MED28: variants seen among roughly 807,000 people sequenced by gnomAD.
MED28 encodes mediator of RNA polymerase II transcription subunit 28.
MED28 carries 26 observed loss-of-function variants against 21.3 expected under a neutral mutation model. The ratio of observed to expected loss-of-function variants is 1.22; its 90% confidence interval spans 0.89 to 1.69. The LOEUF (loss-of-function observed/expected upper bound fraction) is 1.69, where lower values mean the gene tolerates loss of function less well. MED28 is among the 40% of genes most tolerant of loss of function. MED28 has a pLI of 0.00. For missense variants in MED28, 257 were observed against 215.4 expected (o/e 1.19, Z -1.21); for synonymous variants, 110 against 87.6 (o/e 1.26, Z -1.43).
At chr4:17,618,017 T>C (rs1438486293) in intron 1 of MED28, among the ~76,000 whole-genome samples, 2 of 134,728 alleles carry the variant, frequency 1.5e-5, no homozygotes, top group African/African-American at 6.8e-5. Flanking sequence ...TCTTTTCTTT[T>C]TTTTTTTTTT....
intron 3 of MED28, among the ~76,000 whole-genome samples, chr4:17,623,393 C>A (rs1358779624): frequency 1.0e-5 from 1 of 98,120 alleles, no homozygotes; most frequent in Non-Finnish European, 1.9e-5. Flanking sequence ...AGCAAGACTT[C>A]GTCTCAAAAA....
In MED28 at chr4:17,616,883, T is replaced by G. The variant is rs114269686; in HGVS notation, c.159+2070T>G. On this transcript the variant is annotated intron_variant, in intron 1 of 3. Coordinates refer to ENST00000237380, the MANE Select transcript of MED28 (RefSeq NM_025205.5). ...TGGCTTGTGCACAGAACTCCTTGCC[T>G]GATTCACATATATGTCTGTAGGTGC... Among the ~76,000 whole-genome samples, 1,337 of 152,302 alleles carry G rather than the reference T, an allele frequency of 8.8e-3. 22 individuals are homozygous for G. Among genetic ancestry groups the G allele is most frequent in the African/African-American group, 0.031 (1,290 of 41,566 alleles).
At position 17,620,480 on chromosome 4, in the gene MED28, T is replaced by C. The variant is rs111596831; in HGVS notation, c.226+513T>C. On this transcript the variant is annotated intron_variant, in intron 2 of 3. Coordinates refer to ENST00000237380, the MANE Select transcript of MED28 (RefSeq NM_025205.5). ...TCCCGCGTAGATGGAACTACAGGCA[T>C]GCACTACCATACTCAGCTAATTTTA... Among the ~76,000 whole-genome samples the C allele has an allele frequency of 3.2e-4, 49 of 152,040 alleles. 1 individual carries two copies. The highest frequency in any genetic ancestry group is 1.1e-3 in the African/African-American group (46 of 41,516).
rs199549580 is a variant in MED28, at chr4:17,632,043, A to ATTTTTTTTTTTTTTTTTTTTTTTTTT, written c.*8264_*8289dup. 4.3e-5 allele frequency: 5 copies of ATTTTTTTTTTTTTTTTTTTTTTTTTT among 117,620 alleles called. No individual in the cohort carries two copies. The highest frequency in any genetic ancestry group is 7.1e-5 in the Non-Finnish European group (4 of 56,564). The allele number at this position is 117,620 out of a possible 1,614,324, so 7.3% of individuals were successfully genotyped here. A position where few individuals can be genotyped will look rare whatever the true frequency, so the allele number is the denominator to read the frequency against. On this transcript the variant is annotated 3_prime_UTR_variant, in exon 4 of 4. Transcript: ENST00000237380. Reference sequence around the variant, plus strand: ...TTTTAATAACACTGGTTTAATGTCAATTTTTTTTTTTTTTTTTTTTTTTTT... The same window carrying ATTTTTTTTTTTTTTTTTTTTTTTTTT: ...TTTTAATAACACTGGTTTAATGTCAATTTTTTTTTTTTTTTTTTTTTTTTTTTTTTTTTTTTTTTTTTTTTTTTTTT...
In MED28 at chr4:17,629,443, G is replaced by C. The variant is rs1318210158; in HGVS notation, c.*5645G>C. ...AAATGTTGGGTTGGATATTACATCA[G>C]TGTTAGAGCAGTTAAGGGCTCAGGT... On this transcript the variant is annotated 3_prime_UTR_variant, in exon 4 of 4. Coordinates refer to ENST00000237380, the MANE Select transcript of MED28 (RefSeq NM_025205.5). 3 of 152,224 alleles carry C rather than the reference G, an allele frequency of 2.0e-5. No homozygotes were observed. The highest frequency in any genetic ancestry group is 4.4e-5 in the Non-Finnish European group (3 of 68,050). 9.4% of individuals were successfully genotyped at this position (152,224 alleles called of 1,614,324 possible).
Position 17,628,716 on chromosome 4 carries a change from A to G in MED28, c.*4918A>G, listed in dbSNP as rs1428842663. The G allele has an allele frequency of 6.6e-6, 1 of 152,250 alleles. No individual in the cohort carries two copies. Among genetic ancestry groups the G allele is most frequent in the Non-Finnish European group, 1.5e-5 (1 of 68,102 alleles). The allele number at this position is 152,250 out of a possible 1,614,324, so 9.4% of individuals were successfully genotyped here. On this transcript the variant is annotated 3_prime_UTR_variant, in exon 4 of 4. Coordinates refer to ENST00000237380, the MANE Select transcript of MED28 (RefSeq NM_025205.5). ...GACTGGATGTGGTCTGAGAGCAGGCAGTAGGATGAGGCTTGGGGACTGGCT... is the reference window on the plus strand; with the variant it reads ...GACTGGATGTGGTCTGAGAGCAGGCGGTAGGATGAGGCTTGGGGACTGGCT...
intron 1 of MED28, among the ~76,000 whole-genome samples, chr4:17,617,144 G>A (rs192953544): frequency 1.3e-5 from 2 of 152,346 alleles, no homozygotes; most frequent in African/African-American, 4.8e-5. Context: ...CAGGTGAAGG[G>A]GAGTGGGAGT....
chr4:17,617,470 C>T (rs563163345), intron 1 of MED28, among the ~76,000 whole-genome samples: 8 of 152,316 alleles, frequency 5.3e-5, no homozygotes, highest in Admixed American at 1.3e-4. Context: ...CATCTAGTTC[C>T]ATTTCCTCCA....
rs1406748776 is a variant in MED28 at position 17,623,747 on chromosome 4, C to T, written c.486C>T (p.Ala162=). 8.1e-6 allele frequency: 13 copies of T among 1,614,202 alleles called. No individual in the cohort carries two copies. The highest frequency in any genetic ancestry group is 1.1e-5 in the Non-Finnish European group (13 of 1,180,022). Residue 162 remains alanine (A), a synonymous_variant, in exon 4 of 4, where the codon GCC becomes GCT. Coordinates refer to ENST00000237380, the MANE Select transcript of MED28 (RefSeq NM_025205.5). ...KPADIPQGSL[A]YLEQASANIP... is the part of the protein sequence containing the mutation. ...CCGACATCCCTCAGGGCTCCTTGGC[C>T]TACCTGGAGCAGGCATCTGCCAACA...
chr4:17,620,316 A>G (rs1714582763), intron 2 of MED28, among the ~76,000 whole-genome samples: 1 of 150,860 alleles, frequency 6.6e-6, no homozygotes, highest in African/African-American at 2.4e-5. Context: ...CCCTAAAGGT[A>G]ACCAGAGCTT....
At position 17,623,660 on chromosome 4, in the gene MED28, G is replaced by A. The variant is rs1714696054; in HGVS notation, c.399G>A (p.Leu133=). 3 of 1,614,102 alleles carry A rather than the reference G, an allele frequency of 1.9e-6. No homozygotes were observed. The highest frequency in any genetic ancestry group is 3.3e-5 in the Admixed American group (2 of 60,010). ...AAGATGCACTAGTCCAGAAGCACTT[G>A]ACAAAGCTGAGGCATTGGCAGCAGG... ...QRKDALVQKH[L]TKLRHWQQVL... is the part of the protein sequence containing the mutation. Residue 133 remains leucine (L), a synonymous_variant, in exon 4 of 4, where the codon TTG becomes TTA. Transcript: ENST00000237380.
Position 17,628,632 on chromosome 4 carries a change from T to G in MED28, c.*4834T>G, listed in dbSNP as rs1317903111. ...GCATTCACACCCCCCAGTGAATGTC[T>G]TGCACTTCTAATTGTGTCTCGGGGC... On this transcript the variant is annotated 3_prime_UTR_variant, in exon 4 of 4. Coordinates refer to ENST00000237380, the MANE Select transcript of MED28 (RefSeq NM_025205.5). 1.3e-5 allele frequency: 2 copies of G among 152,136 alleles called. No individual in the cohort carries two copies. Among genetic ancestry groups the G allele is most frequent in the African/African-American group, 4.8e-5 (2 of 41,428 alleles). 9.4% of individuals were successfully genotyped at this position (152,136 alleles called of 1,614,324 possible). A position where few individuals can be genotyped will look rare whatever the true frequency, so the allele number is the denominator to read the frequency against.
rs764824603 is a variant in MED28 at position 17,623,571 on chromosome 4, T to C, written c.340-30T>C. Reference sequence around the variant, plus strand: ...CCGTATGTGTTTTTCCTGCATTTGCTCTGACTTAGTCCATGACTTTCATCT... The same window carrying C: ...CCGTATGTGTTTTTCCTGCATTTGCCCTGACTTAGTCCATGACTTTCATCT... On this transcript the variant is annotated intron_variant, in intron 3 of 3. Coordinates refer to ENST00000237380, the MANE Select transcript of MED28 (RefSeq NM_025205.5). The C allele has an allele frequency of 2.5e-6, 4 of 1,608,104 alleles. No individual in the cohort carries two copies. In the South Asian group the frequency reaches 3.3e-5, roughly 13 times the overall value.
rs926859281 is a variant in MED28, at chr4:17,632,787, G to T, written c.*8989G>T. On this transcript the variant is annotated 3_prime_UTR_variant, in exon 4 of 4. Coordinates refer to ENST00000237380, the MANE Select transcript of MED28 (RefSeq NM_025205.5). ...TAGTGGGAAACAAATTGTAAAGGAT[G>T]GGGCTGGGGAGGGAGTACCTAATCC... is the stretch of plus-strand genomic sequence containing the variant. 3 of 552,402 alleles carry T rather than the reference G, an allele frequency of 5.4e-6. No homozygotes were observed. Among genetic ancestry groups the T allele is most frequent in the Non-Finnish European group, 6.5e-6 (2 of 307,406 alleles). The allele number at this position is 552,402 out of a possible 1,614,324, so 34.2% of individuals were successfully genotyped here.
At chr4:17,620,105 C>T in intron 2 of MED28, 138 bp downstream of exon 2, 1 of 717,264 alleles carries the variant, frequency 1.4e-6, no homozygotes, top group Non-Finnish European at 2.4e-6. Context: ...CACATAATCT[C>T]TATGAGCTGC....
At chr4:17,623,559 T>A (rs766012109) in intron 3 of MED28, 42 bp from the exon 4 acceptor site, 1 of 1,596,248 alleles carries the variant, frequency 6.3e-7, no homozygotes, top group Non-Finnish European at 8.6e-7. Context: ...TATGTGTTTT[T>A]CCTGCATTTG....
chr4:17,624,363 G>A lies in MED28; in HGVS notation c.*565G>A. 1 of 157,588 alleles carries A rather than the reference G, an allele frequency of 6.3e-6. No individual in the cohort carries two copies. The highest frequency in any genetic ancestry group is 1.4e-5 in the Non-Finnish European group (1 of 70,846). The allele number at this position is 157,588 out of a possible 1,614,324, so 9.8% of individuals were successfully genotyped here. A position where few individuals can be genotyped will look rare whatever the true frequency, so the allele number is the denominator to read the frequency against. On this transcript the variant is annotated 3_prime_UTR_variant, in exon 4 of 4. Transcript: ENST00000237380. ...TTTTGTAAATAGGTCAGAAGACGAT[G>A]GAACTGTCCTGGGTTAGTATAGTAA...
At position 17,633,814 on chromosome 4, in the gene MED28, C is replaced by T. The variant is rs975520151; in HGVS notation, c.*10016C>T. On this transcript the variant is annotated 3_prime_UTR_variant, in exon 4 of 4. Coordinates refer to ENST00000237380, the MANE Select transcript of MED28 (RefSeq NM_025205.5). ...TAATCCTGGAACTCAGATCGCCACT[C>T]AGAAAGTTCTTTGCATAGGAGGCGA... is the stretch of plus-strand genomic sequence containing the variant. The T allele has an allele frequency of 3.2e-6, 5 of 1,551,442 alleles. No homozygotes were observed. Among genetic ancestry groups the T allele is most frequent in the East Asian group, 2.4e-5 (1 of 40,932 alleles).
Position 17,631,551 on chromosome 4 carries a change from T to C in MED28, c.*7753T>C, listed in dbSNP as rs1367137649. 5.9e-5 allele frequency: 9 copies of C among 152,366 alleles called. No homozygotes were observed. Among genetic ancestry groups the C allele is most frequent in the Admixed American group, 5.9e-4 (9 of 15,308 alleles). The allele number at this position is 152,366 out of a possible 1,614,324, so 9.4% of individuals were successfully genotyped here. A position where few individuals can be genotyped will look rare whatever the true frequency, so the allele number is the denominator to read the frequency against. ...ACTATGGTCATTACACTGAGACCTATAACTGGGCTAGGATTGGTTATTTAC... is the reference window on the plus strand; with the variant it reads ...ACTATGGTCATTACACTGAGACCTACAACTGGGCTAGGATTGGTTATTTAC... On this transcript the variant is annotated 3_prime_UTR_variant, in exon 4 of 4. Transcript: ENST00000237380.
Sources: allele counts gnomAD v4.1 joint callset (sites outside exome capture counted in the v4.1 genomes callset), GRCh38; gene constraint gnomAD v4.1.1; transcripts MANE v1.5; gene names NCBI Gene and HGNC (gene_info 2026-07-23, HGNC 2026-07-21).